The following LHFPL6 variants were observed in gnomAD, a reference collection of about 807,000 sequenced individuals.
LHFPL6 encodes LHFPL tetraspan subfamily member 6 protein.
LHFPL6 carries 9 observed loss-of-function variants against 20.6 expected under a neutral mutation model. That is an observed-to-expected ratio of 0.44 (90% confidence interval 0.26 to 0.76). LHFPL6 has a LOEUF of 0.76. LHFPL6 is among the 30% of genes least tolerant of loss of function. LHFPL6 has a pLI of 0.20. For synonymous variants in LHFPL6, 105 were observed against 98.7 expected (o/e 1.06, Z -0.38); for missense variants, 218 against 253.5 (o/e 0.86, Z 0.95).
chr13:39,544,694 A>C (rs1335843025), intron 2 of LHFPL6, among the ~76,000 whole-genome samples: 2 of 152,180 alleles, frequency 1.3e-5, no homozygotes, highest in Non-Finnish European at 2.9e-5. Context: ...CATGCGAAGG[A>C]CAAAGAAACC....
At position 39,564,644 on chromosome 13, in the gene LHFPL6, G is replaced by A. The variant is rs894989041; in HGVS notation, c.385+36188C>T. Among the ~76,000 whole-genome samples, 6 of 152,162 alleles carry A rather than the reference G, an allele frequency of 3.9e-5. 1 individual carries two copies. On this transcript the variant is annotated intron_variant, in intron 2 of 3. Coordinates refer to ENST00000379589, the MANE Select transcript of LHFPL6 (RefSeq NM_005780.3). ...ATTATACCATTTTGGTTGCCTTTGGGAAATATGTAAGTCAAAAGTATCTAA... is the reference window on the plus strand; with the variant it reads ...ATTATACCATTTTGGTTGCCTTTGGAAAATATGTAAGTCAAAAGTATCTAA...
rs1011948568 is a variant in LHFPL6 at position 39,441,511 on chromosome 13, T to TTTA, written c.386-62988_386-62986dup. On this transcript the variant is annotated intron_variant, in intron 2 of 3. Coordinates refer to ENST00000379589, the MANE Select transcript of LHFPL6 (RefSeq NM_005780.3). ...ATTCAGAATTTCTGAAAAAAAATACTTTATTATTATTATTATTTTGAGACA... is the reference window on the plus strand; with the variant it reads ...ATTCAGAATTTCTGAAAAAAAATACTTTATTATTATTATTATTATTTTGAGACA... Among the ~76,000 whole-genome samples the TTTA allele has an allele frequency of 6.2e-3, 946 of 151,826 alleles. 12 individuals are homozygous for TTTA. Among genetic ancestry groups the TTTA allele is most frequent in the African/African-American group, 0.022 (907 of 41,412 alleles).
chr13:39,543,039 G>T (rs1318404879), intron 2 of LHFPL6, among the ~76,000 whole-genome samples: 1 of 152,038 alleles, frequency 6.6e-6, no homozygotes. Context: ...TCCAGCCCCT[G>T]GTAAGCACCA....
At chr13:39,515,276 A>G (rs1372091285) in intron 2 of LHFPL6, among the ~76,000 whole-genome samples, 1 of 152,262 alleles carries the variant, frequency 6.6e-6, no homozygotes. Flanking sequence ...AGACCTCTGC[A>G]GCTACTTCAG....
chr13:39,375,051 C>T (rs959963451), intron 3 of LHFPL6, among the ~76,000 whole-genome samples: 3 of 152,312 alleles, frequency 2.0e-5, no homozygotes, highest in East Asian at 1.9e-4. Flanking sequence ...CAAAGAGACA[C>T]GTATTCTCCA....
At chr13:39,508,501 T>A (rs1031126861) in intron 2 of LHFPL6, among the ~76,000 whole-genome samples, 1 of 152,226 alleles carries the variant, frequency 6.6e-6, no homozygotes, top group Non-Finnish European at 1.5e-5. Flanking sequence ...ATACTCCCCA[T>A]CCTAGAAAAC....
chr13:39,421,819 GA>G (rs1477632944), intron 2 of LHFPL6, among the ~76,000 whole-genome samples: 2 of 152,152 alleles, frequency 1.3e-5, no homozygotes, highest in African/African-American at 2.4e-5. Context: ...TTGGCTATAT[GA>G]AAAAATCTTT....
At chr13:39,531,470 C>A (rs1040631131) in intron 2 of LHFPL6, among the ~76,000 whole-genome samples, 2 of 152,104 alleles carry the variant, frequency 1.3e-5, no homozygotes, top group East Asian at 3.9e-4. Flanking sequence ...ACAAAATGTA[C>A]TTTGGGGGTC....
intron 2 of LHFPL6, among the ~76,000 whole-genome samples, chr13:39,411,796 T>C (rs1208130318): frequency 6.6e-6 from 1 of 152,234 alleles, no homozygotes; most frequent in Non-Finnish European, 1.5e-5. Flanking sequence ...TGCCAGCTAT[T>C]TACAAAATTC....
intron 2 of LHFPL6, among the ~76,000 whole-genome samples, chr13:39,509,572 A>T (rs537562366): frequency 3.2e-4 from 48 of 152,240 alleles, no homozygotes; most frequent in African/African-American, 1.1e-3. Flanking sequence ...CTTTTAAAAA[A>T]TTTTTTGGAC....
At chr13:39,475,500 C>A (rs1353290804) in intron 2 of LHFPL6, among the ~76,000 whole-genome samples, 2 of 151,698 alleles carry the variant, frequency 1.3e-5, no homozygotes, top group Non-Finnish European at 2.9e-5. Flanking sequence ...TTAATGCAGG[C>A]ACTAATGTCA....
intron 3 of LHFPL6, among the ~76,000 whole-genome samples, chr13:39,349,628 A>G (rs1718337960): frequency 6.6e-6 from 1 of 152,218 alleles, no homozygotes; most frequent in South Asian, 2.1e-4. Context: ...AGACATTTCT[A>G]TACTGATAAT....
intron 3 of LHFPL6, among the ~76,000 whole-genome samples, chr13:39,364,371 T>G (rs1197073219): frequency 6.6e-6 from 1 of 152,174 alleles, no homozygotes; most frequent in Non-Finnish European, 1.5e-5. Flanking sequence ...ATCAGATCCA[T>G]CCAGGGTCCT....
chr13:39,374,682 T>TG (rs1870243891), intron 3 of LHFPL6, among the ~76,000 whole-genome samples: 1 of 152,212 alleles, frequency 6.6e-6, no homozygotes, highest in African/African-American at 2.4e-5. Context: ...CTGGCTTAGA[T>TG]GCAACAACTA....
chr13:39,389,184 T>C (rs1001706442), intron 2 of LHFPL6, among the ~76,000 whole-genome samples: 1 of 152,104 alleles, frequency 6.6e-6, no homozygotes, highest in African/African-American at 2.4e-5. Context: ...AGGAACTACA[T>C]TGTTTGTCAT....
chr13:39,439,271 G>A (rs967494544), intron 2 of LHFPL6, among the ~76,000 whole-genome samples: 3 of 152,314 alleles, frequency 2.0e-5, no homozygotes, highest in East Asian at 1.9e-4. Context: ...CTGGGTGCAG[G>A]ACTTGCCTTT....
chr13:39,602,764 C>T (rs1026365721), intron 1 of LHFPL6, 119 bp downstream of exon 1: 19 of 152,468 alleles, frequency 1.2e-4, no homozygotes, highest in South Asian at 8.3e-4. Flanking sequence ...CCGACGGATC[C>T]GCCGAGCTCA....
chr13:39,472,906 C>T (rs367746718), intron 2 of LHFPL6, among the ~76,000 whole-genome samples: 1 of 152,314 alleles, frequency 6.6e-6, no homozygotes, highest in Non-Finnish European at 1.5e-5. Flanking sequence ...CCACCGTGCC[C>T]GGCCCCCTTC....
intron 2 of LHFPL6, among the ~76,000 whole-genome samples, chr13:39,424,009 G>A (rs2138398461): frequency 6.6e-6 from 1 of 152,232 alleles, no homozygotes; most frequent in South Asian, 2.1e-4. Context: ...AAAGGCAAGG[G>A]GAAGGAAGAA....
Sources: gnomAD v4.1 joint callset for allele counts (sites outside exome capture counted in the v4.1 genomes callset) on GRCh38, gnomAD v4.1.1 for gene constraint, MANE v1.5 for transcripts, NCBI Gene and HGNC (gene_info 2026-07-23, HGNC 2026-07-21) for gene names.